Variants in CIMIP3 observed in about 807,000 individuals in gnomAD.
The protein encoded by CIMIP3 is ciliary microtubule inner protein 3.
the CIMIP3 span, among the ~76,000 whole-genome samples, chr6:42,161,755 G>A: frequency 3.4e-3 from 518 of 152,130 alleles, 1 homozygote; most frequent in Non-Finnish European, 5.8e-3. Flanking sequence ...GAAAGTGAGC[G>A]GGTACCCCTT....
the CIMIP3 span, among the ~76,000 whole-genome samples, chr6:42,160,235 C>A: frequency 6.6e-6 from 1 of 152,290 alleles, no homozygotes; most frequent in Non-Finnish European, 1.5e-5. Flanking sequence ...GTGATCCTCC[C>A]ACTTCAGCCT....
At chr6:42,156,306 CT>C in the CIMIP3 span, among the ~76,000 whole-genome samples, 18,022 of 136,916 alleles carry the variant, frequency 0.13, 1,040 homozygotes, top group Middle Eastern at 0.19. Context: ...ATTTTTTTTT[CT>C]TTTTTTTTTT....
the CIMIP3 span, among the ~76,000 whole-genome samples, chr6:42,156,155 G>A: frequency 6.6e-6 from 1 of 151,844 alleles, no homozygotes; most frequent in South Asian, 2.1e-4. Flanking sequence ...CACCACGCCC[G>A]GCTAATTTTT....
the CIMIP3 span, chr6:42,155,708 A>T: frequency 1.4e-6 from 1 of 704,092 alleles, no homozygotes; most frequent in South Asian, 1.5e-5. Context: ...GAGAGGGAAC[A>T]GGACACCCTC....
the CIMIP3 span, among the ~76,000 whole-genome samples, chr6:42,162,090 CTTTTTTTT>C: frequency 1.6e-5 from 1 of 63,082 alleles, no homozygotes; most frequent in African/African-American, 7.2e-5. Context: ...AAGCCACATT[CTTTTTTTT>C]TTTTTTTTTT....
the CIMIP3 span, chr6:42,162,998 C>T: frequency 1.1e-5 from 8 of 715,810 alleles, no homozygotes; most frequent in Admixed American, 2.0e-5. Flanking sequence ...ACACTCGTCC[C>T]GGCCCCGGGC....
At chr6:42,162,346 C>T in the CIMIP3 span, among the ~76,000 whole-genome samples, 13 of 150,020 alleles carry the variant, frequency 8.7e-5, no homozygotes, top group Admixed American at 6.7e-4. Context: ...ACCCAGGAGG[C>T]GGAGGTTGCA....
the CIMIP3 span, among the ~76,000 whole-genome samples, chr6:42,160,846 T>C: frequency 6.6e-6 from 1 of 152,314 alleles, no homozygotes; most frequent in Non-Finnish European, 1.5e-5. Flanking sequence ...AAGCCTGCTT[T>C]GGAGGAAAGC....
At chr6:42,157,772 G>A in the CIMIP3 span, among the ~76,000 whole-genome samples, 1 of 152,160 alleles carries the variant, frequency 6.6e-6, no homozygotes, top group Non-Finnish European at 1.5e-5. Context: ...GATTCCCAAG[G>A]GAGGGGAGGG....
chr6:42,163,053 C>G, the CIMIP3 span: 1 of 717,604 alleles, frequency 1.4e-6, no homozygotes, highest in South Asian at 1.5e-5. Context: ...GCCTATGTGC[C>G]GGTCGTTGTG....
At chr6:42,163,271 C>T in the CIMIP3 span, 5 of 547,812 alleles carry the variant, frequency 9.1e-6, no homozygotes, top group African/African-American at 7.7e-5. Context: ...ACGGAAGCCC[C>T]CGACCCTTCA....
chr6:42,156,857 T>C, the CIMIP3 span, among the ~76,000 whole-genome samples: 98 of 152,322 alleles, frequency 6.4e-4, no homozygotes, highest in African/African-American at 2.3e-3. Context: ...CCAAGGCACA[T>C]TGGACAGCAC....
At chr6:42,155,556 A>G in the CIMIP3 span, 1 of 717,330 alleles carries the variant, frequency 1.4e-6, no homozygotes, top group Non-Finnish European at 2.6e-6. Flanking sequence ...AGGAAAGAGC[A>G]TGAAAGCCCC....
the CIMIP3 span, chr6:42,163,013 A>G: frequency 1.4e-6 from 1 of 717,118 alleles, no homozygotes; most frequent in Non-Finnish European, 2.6e-6. Context: ...CCGGGCGTGG[A>G]AGCAGGACCT....
chr6:42,157,693 G>A, the CIMIP3 span, among the ~76,000 whole-genome samples: 1 of 152,084 alleles, frequency 6.6e-6, no homozygotes, highest in Non-Finnish European at 1.5e-5. Context: ...CTGGCCCAGT[G>A]AGGGATAATT....
At chr6:42,158,808 G>C in the CIMIP3 span, among the ~76,000 whole-genome samples, 1 of 152,180 alleles carries the variant, frequency 6.6e-6, no homozygotes, top group Non-Finnish European at 1.5e-5. Context: ...CCTTCCATCT[G>C]TGGGCTGCTC....
At chr6:42,162,647 T>C in the CIMIP3 span, among the ~76,000 whole-genome samples, 2 of 151,978 alleles carry the variant, frequency 1.3e-5, no homozygotes, top group Non-Finnish European at 1.5e-5. Context: ...GGGGAGGGAC[T>C]GAAGATAATC....
the CIMIP3 span, among the ~76,000 whole-genome samples, chr6:42,157,681 C>T: frequency 7.7e-4 from 117 of 152,214 alleles, 1 homozygote; most frequent in Middle Eastern, 3.4e-3. Context: ...TGAGCCACCA[C>T]GCTGGCCCAG....
At chr6:42,161,251 C>T in the CIMIP3 span, among the ~76,000 whole-genome samples, 1 of 152,108 alleles carries the variant, frequency 6.6e-6, no homozygotes, top group African/African-American at 2.4e-5. Context: ...AAGGAGACTT[C>T]TTTTGTAAGA....
Sources: allele counts gnomAD v4.1 joint callset (sites outside exome capture counted in the v4.1 genomes callset), GRCh38; gene constraint gnomAD v4.1.1; transcripts MANE v1.5; gene names NCBI Gene and HGNC (gene_info 2026-07-23, HGNC 2026-07-21).